Variants in MAOB observed in about 807,000 individuals in gnomAD.
MAOB encodes the protein amine oxidase [flavin-containing] B.
A neutral mutation model predicts 41.9 loss-of-function variants in MAOB; 15 were observed. The ratio of observed to expected loss-of-function variants is 0.36; its 90% CI spans 0.24 to 0.55. MAOB has a LOEUF of 0.55. Among genes scored for constraint, MAOB ranks in the 20% least tolerant of loss-of-function variants. The pLI, the probability that MAOB is intolerant of heterozygous loss-of-function variation, is 0.86. For synonymous variants in MAOB, 167 were observed against 144.2 expected (o/e 1.16, Z -1.13); for missense variants, 345 against 398.7 (o/e 0.87, Z 1.15).
chrX:43,823,163 G>A (rs1039032593), intron 3 of MAOB, among the ~76,000 whole-genome samples: 57 of 97,598 alleles, frequency 5.8e-4, no homozygotes, highest in African/African-American at 1.8e-3. Flanking sequence ...AAAACAGATG[G>A]TCTTTTTTTT....
At chrX:43,871,332 C>T (rs1353462617) in intron 1 of MAOB, among the ~76,000 whole-genome samples, 2 of 110,955 alleles carry the variant, frequency 1.8e-5, no homozygotes, top group Admixed American at 9.6e-5. Flanking sequence ...TTTCAACACT[C>T]TATGTACATT....
intron 10 of MAOB, among the ~76,000 whole-genome samples, chrX:43,779,787 A>G (rs1455719430): frequency 8.9e-6 from 1 of 111,983 alleles, no homozygotes; most frequent in African/African-American, 3.2e-5. Flanking sequence ...AATATAATTC[A>G]GGAGCTCTTT....
At chrX:43,849,322 A>C (rs188248317) in intron 1 of MAOB, among the ~76,000 whole-genome samples, 210 of 112,435 alleles carry the variant, frequency 1.9e-3, no homozygotes, top group Middle Eastern at 9.2e-3. Flanking sequence ...GCCAGTATTC[A>C]AATTCAGGCA....
chrX:43,881,411 TA>T (rs746019895), intron 1 of MAOB, among the ~76,000 whole-genome samples: 5 of 113,164 alleles, frequency 4.4e-5, no homozygotes, highest in African/African-American at 9.6e-5. Flanking sequence ...AGGGGGCCAT[TA>T]AACAGGCTGT....
At chrX:43,823,776 G>C (rs2034911392) in intron 3 of MAOB, among the ~76,000 whole-genome samples, 2 of 111,789 alleles carry the variant, frequency 1.8e-5, no homozygotes, top group South Asian at 7.5e-4. Context: ...GTGTATTTGT[G>C]CTCAGGAAGT....
intron 2 of MAOB, among the ~76,000 whole-genome samples, chrX:43,842,112 A>AT (rs2035143976): frequency 3.6e-5 from 4 of 112,247 alleles, no homozygotes; most frequent in Non-Finnish European, 5.6e-5. Context: ...GCAAAAGAAC[A>AT]ATTAATAAAA....
At position 43,777,138 on chromosome X, in the gene MAOB, T is replaced by A. The variant is rs192923934; in HGVS notation, c.1137+1544A>T. ...AGTTCAACCACTGTGGAAGTCAGTG[T>A]GGCGATTCCTCAGGGATCTAGAACT... On this transcript the variant is annotated intron_variant, in intron 11 of 14. Coordinates refer to ENST00000378069, the MANE Select transcript of MAOB (RefSeq NM_000898.5). Among the ~76,000 whole-genome samples, 611 of 111,570 alleles carry A rather than the reference T, an allele frequency of 5.5e-3. 2 individuals are homozygous for A. Among genetic ancestry groups the A allele is most frequent in the African/African-American group, 0.019 (589 of 30,676 alleles).
rs764063766 is a variant in MAOB, at chrX:43,882,350, G to A, written c.-51C>T. On this transcript the variant is annotated 5_prime_UTR_variant, in exon 1 of 15. Transcript: ENST00000378069. ...CTGGTGCCCGCTGCTCCGTTTTCTGGGCCTCGATCCCAGTCCTGCCTGCCA... is the reference window on the plus strand; with the variant it reads ...CTGGTGCCCGCTGCTCCGTTTTCTGAGCCTCGATCCCAGTCCTGCCTGCCA... 62 of 1,177,540 alleles carry A rather than the reference G, an allele frequency of 5.3e-5. No homozygotes were observed. The highest frequency in any genetic ancestry group is 2.3e-4 in the Middle Eastern group (1 of 4,258).
intron 3 of MAOB, among the ~76,000 whole-genome samples, chrX:43,835,425 C>G (rs1223857581): frequency 8.9e-6 from 1 of 111,973 alleles, no homozygotes; most frequent in Non-Finnish European, 1.9e-5. Context: ...AAGGAAAACA[C>G]CTTCTAAATT....
rs139343515 is a variant in MAOB at position 43,878,329 on chromosome X, G to A, written c.46+3925C>T. 0.013 allele frequency among the ~76,000 whole-genome samples: 1,453 copies of A among 109,895 alleles called. 41 individuals are homozygous for A. In the South Asian group the frequency reaches 0.16, roughly 12 times the overall value. On this transcript the variant is annotated intron_variant, in intron 1 of 14. Transcript: ENST00000378069. ...TGATCATAGCTCACTGCAGCCTCGA[G>A]CTCCTGGACTCAAGTGATCCTCCCA... is the stretch of plus-strand genomic sequence containing the variant.
chrX:43,809,883 A>G lies in MAOB; in HGVS notation c.280-6479T>C, dbSNP rs1477034085. Among the ~76,000 whole-genome samples the G allele has an allele frequency of 4.5e-5, 5 of 111,793 alleles. No homozygotes were observed. The Admixed American group carries it at 4.7e-4, about 11-fold the overall frequency. Reference sequence around the variant, plus strand: ...AGCAGAAGTTATTTCTTCCTTTTACAGGTAAAGGAAATATAGCTCAGATAA... The same window carrying G: ...AGCAGAAGTTATTTCTTCCTTTTACGGGTAAAGGAAATATAGCTCAGATAA... On this transcript the variant is annotated intron_variant, in intron 3 of 14. Coordinates refer to ENST00000378069, the MANE Select transcript of MAOB (RefSeq NM_000898.5).
At chrX:43,812,694 C>A (rs141316316) in intron 3 of MAOB, among the ~76,000 whole-genome samples, 2,913 of 112,126 alleles carry the variant, frequency 0.026, 41 homozygotes, top group Middle Eastern at 0.078. Flanking sequence ...AGATTTTTTT[C>A]TTATAGAATT....
chrX:43,784,279 A>C (rs1194601968), intron 8 of MAOB, among the ~76,000 whole-genome samples: 1 of 112,444 alleles, frequency 8.9e-6, no homozygotes, highest in Non-Finnish European at 1.9e-5. Context: ...AAGGTTTTCA[A>C]TTTACTTTGC....
At chrX:43,832,274 C>T (rs747758758) in intron 3 of MAOB, among the ~76,000 whole-genome samples, 1 of 112,232 alleles carries the variant, frequency 8.9e-6, no homozygotes, top group Non-Finnish European at 1.9e-5. Flanking sequence ...TCTGGAAGGC[C>T]AACCAAGTAC....
At chrX:43,844,266 C>A (rs1220949666) in intron 1 of MAOB, among the ~76,000 whole-genome samples, 6 of 111,239 alleles carry the variant, frequency 5.4e-5, no homozygotes, top group African/African-American at 2.0e-4. Flanking sequence ...AAAATTCGAC[C>A]CCTTATGCAT....
chrX:43,784,193 T>A (rs1299705048), intron 8 of MAOB, among the ~76,000 whole-genome samples: 1 of 112,592 alleles, frequency 8.9e-6, no homozygotes, highest in Admixed American at 9.4e-5. Context: ...AAACTCCTGT[T>A]AATGTTGATG....
At chrX:43,822,988 C>T (rs1036033914) in intron 3 of MAOB, among the ~76,000 whole-genome samples, 3 of 109,413 alleles carry the variant, frequency 2.7e-5, no homozygotes, top group African/African-American at 1.0e-4. Flanking sequence ...ATTTATCTCC[C>T]TCAACAACCC....
At chrX:43,847,008 A>C (rs1602023886) in intron 1 of MAOB, among the ~76,000 whole-genome samples, 1 of 112,432 alleles carries the variant, frequency 8.9e-6, no homozygotes, top group East Asian at 2.8e-4. Context: ...CACTTATGCA[A>C]TAATCTCCTG....
At chrX:43,838,435 G>A (rs2035095555) in intron 3 of MAOB, among the ~76,000 whole-genome samples, 1 of 111,959 alleles carries the variant, frequency 8.9e-6, no homozygotes, top group Non-Finnish European at 1.9e-5. Flanking sequence ...AATAACTTTA[G>A]CTGATATATA....
Sources: gnomAD v4.1 joint callset for allele counts (sites outside exome capture counted in the v4.1 genomes callset) on GRCh38, gnomAD v4.1.1 for gene constraint, MANE v1.5 for transcripts, NCBI Gene and HGNC (gene_info 2026-07-23, HGNC 2026-07-21) for gene names.